DLGAP2: variants seen among roughly 807,000 people sequenced by gnomAD.
DLGAP2 encodes the protein disks large-associated protein 2.
In DLGAP2, 26 loss-of-function variants were observed where a neutral mutation model predicts 100.3. The ratio of observed to expected loss-of-function variants is 0.26; its 90% CI spans 0.19 to 0.36. DLGAP2 has a LOEUF of 0.36. Among genes scored for constraint, DLGAP2 ranks in the 10% least tolerant of loss-of-function variants. The pLI is 1.00. For synonymous variants in DLGAP2, 886 were observed against 630.1 expected (o/e 1.41, Z -6.08); for missense variants, 1,858 against 1,453.2 (o/e 1.28, Z -4.53).
chr8:1,523,979 G>C (rs1800704806), intron 4 of DLGAP2, among the ~76,000 whole-genome samples: 1 of 152,198 alleles, frequency 6.6e-6, no homozygotes, highest in Admixed American at 6.5e-5. Context: ...TTCGTTTGGA[G>C]ACTCCGCCGC....
intron 3 of DLGAP2, among the ~76,000 whole-genome samples, chr8:1,430,023 TATATACAC>T (rs1159073584): frequency 0.01 from 998 of 97,918 alleles, 83 homozygotes; most frequent in African/African-American, 0.034. Context: ...TATATATATA[TATATACAC>T]ACACACACAT....
At chr8:1,230,326 C>A (rs12155725) in intron 2 of DLGAP2, among the ~76,000 whole-genome samples, 83,421 of 151,902 alleles carry the variant, frequency 0.55, 23,601 homozygotes, top group East Asian at 0.72. Flanking sequence ...GATATCTACA[C>A]GGAGAACTAT....
chr8:1,135,457 T>C (rs187748221), intron 2 of DLGAP2, among the ~76,000 whole-genome samples: 10 of 151,788 alleles, frequency 6.6e-5, no homozygotes, highest in African/African-American at 2.4e-4. Context: ...CAGAGATAGT[T>C]ACTTAGAGAT....
intron 8 of DLGAP2, among the ~76,000 whole-genome samples, chr8:1,660,166 G>T (rs1283875707): frequency 6.6e-6 from 1 of 152,028 alleles, no homozygotes; most frequent in Non-Finnish European, 1.5e-5. Context: ...GTTGAATATT[G>T]GCCCCCACTC....
At chr8:1,513,094 G>C (rs1474338386) in intron 4 of DLGAP2, among the ~76,000 whole-genome samples, 2 of 134,564 alleles carry the variant, frequency 1.5e-5, no homozygotes, top group Non-Finnish European at 3.2e-5. Flanking sequence ...CCCAGTGCAG[G>C]GCAAGACGGG....
chr8:760,368 G>A (rs977287671), intron 1 of DLGAP2, among the ~76,000 whole-genome samples: 6 of 151,946 alleles, frequency 3.9e-5, no homozygotes, highest in Non-Finnish European at 8.8e-5. Context: ...CTCTCTCCTG[G>A]TTAGACCGAT....
At chr8:867,474 G>A (rs1382234198) in intron 1 of DLGAP2, among the ~76,000 whole-genome samples, 5 of 152,182 alleles carry the variant, frequency 3.3e-5, no homozygotes, top group African/African-American at 7.2e-5. Context: ...ACCTTCTTTC[G>A]ATACCCAAAC....
chr8:1,507,130 C>T (rs1434339264), intron 4 of DLGAP2, among the ~76,000 whole-genome samples: 4 of 152,352 alleles, frequency 2.6e-5, no homozygotes, highest in South Asian at 2.1e-4. Context: ...GCTGGGGCCA[C>T]GGGCAGAGCT....
At chr8:813,235 T>C (rs940127389) in intron 1 of DLGAP2, among the ~76,000 whole-genome samples, 1 of 152,044 alleles carries the variant, frequency 6.6e-6, no homozygotes, top group African/African-American at 2.4e-5. Flanking sequence ...CTCGTGGATA[T>C]CCTAGTGGTT....
chr8:978,600 G>A (rs13280220), intron 2 of DLGAP2, among the ~76,000 whole-genome samples: 1 of 71,626 alleles, frequency 1.4e-5, no homozygotes, highest in African/African-American at 4.4e-5. Context: ...TGAGGGGCTG[G>A]GTTCTGGTCT....
At chr8:948,502 G>T (rs1383257507) in intron 2 of DLGAP2, among the ~76,000 whole-genome samples, 1 of 152,234 alleles carries the variant, frequency 6.6e-6, no homozygotes, top group Non-Finnish European at 1.5e-5. Flanking sequence ...GTGATGGCGG[G>T]GTCACAGCAG....
At chr8:1,418,565 G>T (rs1307950359) in intron 3 of DLGAP2, among the ~76,000 whole-genome samples, 1 of 152,096 alleles carries the variant, frequency 6.6e-6, no homozygotes, top group Non-Finnish European at 1.5e-5. Flanking sequence ...TGCTCTCTCT[G>T]CATTCACACG....
intron 3 of DLGAP2, among the ~76,000 whole-genome samples, chr8:1,451,406 G>A (rs1798156215): frequency 6.6e-6 from 1 of 152,158 alleles, no homozygotes; most frequent in East Asian, 1.9e-4. Flanking sequence ...CCAGACCTGA[G>A]GTTTGCTTGA....
chr8:1,302,722 TAA>T (rs750709356), intron 3 of DLGAP2: 2 of 152,230 alleles, frequency 1.3e-5, no homozygotes, highest in Non-Finnish European at 2.9e-5. Context: ...CAGTTACGGG[TAA>T]CGGGCAGTGA....
chr8:814,310 C>T (rs1273293835), intron 1 of DLGAP2, among the ~76,000 whole-genome samples: 1 of 152,200 alleles, frequency 6.6e-6, no homozygotes, highest in Non-Finnish European at 1.5e-5. Flanking sequence ...GCCATGTTTG[C>T]AACACTAGTT....
chr8:1,256,593 G>T (rs939610869), intron 2 of DLGAP2, among the ~76,000 whole-genome samples: 1 of 151,994 alleles, frequency 6.6e-6, no homozygotes, highest in Non-Finnish European at 1.5e-5. Context: ...GTACTCTCCT[G>T]CCCGGGTGCT....
rs147295147 is a variant in DLGAP2 at position 1,432,623 on chromosome 8, T to C, written c.107-68743T>C. 1.0e-3 allele frequency among the ~76,000 whole-genome samples: 158 copies of C among 152,348 alleles called. No individual in the cohort carries two copies. In the East Asian group the frequency reaches 0.017, roughly 16 times the overall value. ...AGAAAGTCAAGGCCTTTTAAGTTAA[T>C]TGTAAAAACACATTTGACATTTTCA... On this transcript the variant is annotated intron_variant, in intron 3 of 14. Coordinates refer to ENST00000637795, the MANE Select transcript of DLGAP2 (RefSeq NM_001346810.2).
rs1192131430 is a variant in DLGAP2 at position 1,607,851 on chromosome 8, C to T, written c.1443-18889C>T. On this transcript the variant is annotated intron_variant, in intron 6 of 14. Transcript: ENST00000637795. ...TCAGACCGGCTTAAAAAACGGCGCA[C>T]CACGAGACTATATCCCACACCTGGC... Among the ~76,000 whole-genome samples, 4 of 143,586 alleles carry T rather than the reference C, an allele frequency of 2.8e-5. No homozygotes were observed. In the South Asian group the frequency reaches 8.9e-4, roughly 32 times the overall value. The allele number at this position is 143,586 out of a possible 152,430, so 94.2% of individuals were successfully genotyped here. A position where few individuals can be genotyped will look rare whatever the true frequency, so the allele number is the denominator to read the frequency against.
chr8:1,339,213 C>T lies in DLGAP2; in HGVS notation c.106+80330C>T, dbSNP rs140699348. Among the ~76,000 whole-genome samples, 178 of 149,700 alleles carry T rather than the reference C, an allele frequency of 1.2e-3. 1 individual carries two copies. In the East Asian group the frequency reaches 0.034, roughly 28 times the overall value. On this transcript the variant is annotated intron_variant, in intron 3 of 14. Transcript: ENST00000637795. ...GACGTGTGAGGGAAGGCAGTGACCTCAGTGAGGCGTCAGGACCCGGGAGGG... is the reference window on the plus strand; with the variant it reads ...GACGTGTGAGGGAAGGCAGTGACCTTAGTGAGGCGTCAGGACCCGGGAGGG...
Sources: allele counts gnomAD v4.1 joint callset (sites outside exome capture counted in the v4.1 genomes callset), GRCh38; gene constraint gnomAD v4.1.1; transcripts MANE v1.5; gene names NCBI Gene and HGNC (gene_info 2026-07-23, HGNC 2026-07-21).